DMD: variants seen among roughly 807,000 people sequenced by gnomAD.
DMD encodes dystrophin.
DMD carries 63 observed loss-of-function variants against 330.1 expected under a neutral mutation model. The observed-to-expected ratio is 0.19, with a 90% CI of 0.16 to 0.24. The LOEUF (loss-of-function observed/expected upper bound fraction) is 0.24. DMD is among the 10% of genes least tolerant of loss of function. The pLI, the probability that DMD is intolerant of heterozygous loss-of-function variation, is 1.00. For synonymous variants in DMD, 1,223 were observed against 959.8 expected (o/e 1.27, Z -5.07); for missense variants, 3,344 against 2,684.1 (o/e 1.25, Z -5.43).
chrX:31,316,380 GT>G (rs1376925474), intron 62 of DMD, among the ~76,000 whole-genome samples: 8 of 112,217 alleles, frequency 7.1e-5, no homozygotes, highest in Admixed American at 4.7e-4. Context: ...CCAAGTACCT[GT>G]TATCTGTGAG....
At chrX:32,068,374 AT>A (rs749610367) in intron 44 of DMD, among the ~76,000 whole-genome samples, 5,382 of 63,955 alleles carry the variant, frequency 0.084, 116 homozygotes, top group African/African-American at 0.15. Context: ...CTTGCTTGTC[AT>A]TTTTTTTTTT....
chrX:32,354,669 T>C (rs1489735417), intron 37 of DMD, among the ~76,000 whole-genome samples: 1 of 111,805 alleles, frequency 8.9e-6, no homozygotes, highest in Non-Finnish European at 1.9e-5. Flanking sequence ...ATTGGTTGCA[T>C]TCTTTTGAGA....
intron 15 of DMD, among the ~76,000 whole-genome samples, chrX:32,568,575 A>C (rs1021608474): frequency 1.5e-4 from 17 of 111,554 alleles, no homozygotes; most frequent in African/African-American, 5.2e-4. Context: ...TGTTATAATT[A>C]CATTGTGTGA....
Position 33,169,935 on chromosome X carries a change from T to C in DMD, c.31+41347A>G, listed in dbSNP as rs73621889. Among the ~76,000 whole-genome samples, 630 of 110,942 alleles carry C rather than the reference T, an allele frequency of 5.7e-3. 1 individual carries two copies. Among genetic ancestry groups the C allele is most frequent in the African/African-American group, 0.019 (569 of 30,685 alleles). On this transcript the variant is annotated intron_variant, in intron 1 of 78. Transcript: ENST00000357033. ...TACAGAGGAAAATCTCTGAATAGAC[T>C]TCCATGTAACCAATGCCTACTCAGG...
rs1456470932 is a variant in DMD, at chrX:31,356,030, T to C, written c.9085-7396A>G. 6.3e-5 allele frequency among the ~76,000 whole-genome samples: 7 copies of C among 111,598 alleles called. No individual in the cohort carries two copies. In the Admixed American group the frequency reaches 6.7e-4, roughly 11 times the overall value. ...TCTGCGGCAAAACAACCTGGGCTTG[T>C]TGAATGCAAAGATTAACTGAATTGT... On this transcript the variant is annotated intron_variant, in intron 60 of 78. Transcript: ENST00000357033.
In DMD at chrX:32,228,784, G is replaced by T. The variant is rs780486772; in HGVS notation, c.6291-11721C>A. On this transcript the variant is annotated intron_variant, in intron 43 of 78. Coordinates refer to ENST00000357033, the MANE Select transcript of DMD (RefSeq NM_004006.3). ...TAGCTTTCATTTGTTGGCTAGAGGGGATATTTGAAATAATGATGCCTTTCT... is the reference window on the plus strand; with the variant it reads ...TAGCTTTCATTTGTTGGCTAGAGGGTATATTTGAAATAATGATGCCTTTCT... Among the ~76,000 whole-genome samples, 11 of 111,376 alleles carry T rather than the reference G, an allele frequency of 9.9e-5. No individual in the cohort carries two copies. In the East Asian group the frequency reaches 3.1e-3, roughly 32 times the overall value.
intron 48 of DMD, among the ~76,000 whole-genome samples, chrX:31,843,052 C>A (rs1050390464): frequency 1.8e-5 from 2 of 111,866 alleles, no homozygotes; most frequent in African/African-American, 6.5e-5. Context: ...GACATAATTT[C>A]ATTCTTTTTA....
intron 34 of DMD, among the ~76,000 whole-genome samples, chrX:32,373,881 T>C (rs921725199): frequency 1.3e-4 from 15 of 111,872 alleles, no homozygotes; most frequent in Non-Finnish European, 2.6e-4. Flanking sequence ...TTGAGGATCC[T>C]GGACCCACAT....
chrX:32,643,110 ACAAT>A (rs1163508859), intron 11 of DMD, among the ~76,000 whole-genome samples: 1 of 111,299 alleles, frequency 9.0e-6, no homozygotes, highest in Non-Finnish European at 1.9e-5. Context: ...AGGGGTAGTG[ACAAT>A]CATCACCACG....
At chrX:31,904,419 G>C (rs2094455365) in intron 47 of DMD, among the ~76,000 whole-genome samples, 2 of 111,138 alleles carry the variant, frequency 1.8e-5, no homozygotes, top group Non-Finnish European at 3.8e-5. Context: ...GAGTGGTCAA[G>C]ACTTTTGACT....
At chrX:32,287,057 A>G (rs549272082) in intron 43 of DMD, among the ~76,000 whole-genome samples, 290 of 110,288 alleles carry the variant, frequency 2.6e-3, no homozygotes, top group African/African-American at 9.1e-3. Flanking sequence ...CAAATTCCCC[A>G]TGGCAAAAAA....
chrX:31,403,790 T>C (rs917878866), intron 60 of DMD, among the ~76,000 whole-genome samples: 43 of 111,709 alleles, frequency 3.8e-4, no homozygotes, highest in Admixed American at 1.1e-3. Flanking sequence ...TTGCCTAAAA[T>C]AGCTTTTCCT....
intron 62 of DMD, among the ~76,000 whole-genome samples, chrX:31,309,299 G>T (rs911591124): frequency 3.6e-5 from 4 of 111,543 alleles, no homozygotes; most frequent in Non-Finnish European, 5.6e-5. Flanking sequence ...TAGCTGGGAC[G>T]TTATAGAGGC....
intron 2 of DMD, among the ~76,000 whole-genome samples, chrX:32,980,242 T>C (rs965885833): frequency 1.0e-4 from 11 of 107,027 alleles, no homozygotes; most frequent in Non-Finnish European, 3.8e-5. Context: ...AGCAGGCGCC[T>C]GTAATCCCAG....
intron 2 of DMD, among the ~76,000 whole-genome samples, chrX:32,871,721 A>C (rs1198516536): frequency 9.0e-6 from 1 of 111,721 alleles, no homozygotes; most frequent in African/African-American, 3.3e-5. Flanking sequence ...GTAATGGATT[A>C]TGGTAAGACA....
intron 59 of DMD, among the ~76,000 whole-genome samples, chrX:31,467,287 T>A (rs952694042): frequency 8.9e-6 from 1 of 111,741 alleles, no homozygotes; most frequent in Non-Finnish European, 1.9e-5. Flanking sequence ...TTCAGTATGA[T>A]AATGGCTGTG....
At chrX:33,052,847 C>T (rs979222338) in intron 1 of DMD, among the ~76,000 whole-genome samples, 5 of 97,327 alleles carry the variant, frequency 5.1e-5, no homozygotes, top group African/African-American at 1.7e-4. Flanking sequence ...AGGATAAATG[C>T]TTAAGGTAAT....
intron 9 of DMD, among the ~76,000 whole-genome samples, chrX:32,666,080 G>A (rs1235138056): frequency 1.8e-5 from 2 of 111,091 alleles, no homozygotes; most frequent in Non-Finnish European, 3.8e-5. Context: ...CAGAAGTAGG[G>A]AAAGAGGGGG....
chrX:31,723,874 T>C (rs1371980606), intron 52 of DMD, among the ~76,000 whole-genome samples: 1 of 111,885 alleles, frequency 8.9e-6, no homozygotes, highest in African/African-American at 3.3e-5. Flanking sequence ...TCTCTCAACA[T>C]TTTGTAATAC....
Sources: allele counts gnomAD v4.1 joint callset (sites outside exome capture counted in the v4.1 genomes callset), GRCh38; gene constraint gnomAD v4.1.1; transcripts MANE v1.5; gene names NCBI Gene and HGNC (gene_info 2026-07-23, HGNC 2026-07-21).